PACSIN2: variants seen among roughly 807,000 people sequenced by gnomAD.
PACSIN2 encodes the protein protein kinase C and casein kinase substrate in neurons 2.
Under a neutral mutation model 63.8 loss-of-function variants are expected in PACSIN2, and 25 were observed. That is an observed-to-expected ratio of 0.39 (90% confidence interval 0.29 to 0.55). The LOEUF is 0.55. Among genes scored for constraint, PACSIN2 ranks in the 20% least tolerant of loss-of-function variants. PACSIN2 has a pLI of 0.62. For synonymous variants in PACSIN2, 255 were observed against 256.2 expected (o/e 1.00, Z 0.05); for missense variants, 518 against 646.9 (o/e 0.80, Z 2.16).
rs772085602 is a variant in PACSIN2 at position 42,871,473 on chromosome 22, C to A, written c.1349-4G>T. The A allele has an allele frequency of 1.2e-6, 2 of 1,607,782 alleles. No homozygotes were observed. Among genetic ancestry groups the A allele is most frequent in the Admixed American group, 3.3e-5 (2 of 60,008 alleles). On this transcript the variant is annotated splice_polypyrimidine_tract_variant and splice_region_variant and intron_variant, in intron 10 of 10. Coordinates refer to ENST00000263246, the MANE Select transcript of PACSIN2 (RefSeq NM_001184970.3). The surrounding 1 kb of genome is among the most constrained non-coding windows in gnomAD (Gnocchi z 5.4). ...TCCATCTTGGTCAGCTCATCCCCTG[C>A]AAGACAAAGAGGGAGCCGTCTCCAT...
intron 6 of PACSIN2, among the ~76,000 whole-genome samples, chr22:42,884,001 G>C (rs1248723627): frequency 6.8e-6 from 1 of 147,086 alleles, no homozygotes. Flanking sequence ...GCAAGACTCC[G>C]TCTCAAAAAA....
At chr22:42,994,113 T>C (rs531922063) in intron 1 of PACSIN2, among the ~76,000 whole-genome samples, 7 of 152,338 alleles carry the variant, frequency 4.6e-5, no homozygotes, top group Non-Finnish European at 7.3e-5. Context: ...CCTTCTGATA[T>C]TGCGCCAGAA....
intron 1 of PACSIN2, among the ~76,000 whole-genome samples, chr22:43,014,485 C>G (rs1924746507): frequency 6.6e-6 from 1 of 151,932 alleles, no homozygotes; most frequent in South Asian, 2.1e-4. Context: ...CACCCCAGGA[C>G]TAAGCCCTGC....
chr22:42,922,178 TG>T (rs1290704966), intron 1 of PACSIN2, among the ~76,000 whole-genome samples: 2 of 152,224 alleles, frequency 1.3e-5, no homozygotes, highest in Non-Finnish European at 2.9e-5. Flanking sequence ...TTAGATGGTG[TG>T]CAGAGTCTCA....
chr22:42,992,383 A>G (rs1374360711), intron 1 of PACSIN2, among the ~76,000 whole-genome samples: 1 of 152,196 alleles, frequency 6.6e-6, no homozygotes, highest in Non-Finnish European at 1.5e-5. Flanking sequence ...CTAGCCACCA[A>G]ACCTAGCCTA....
At chr22:42,876,859 G>A (rs1411849792) in intron 9 of PACSIN2, 29 bp downstream of exon 9, 1 of 1,613,788 alleles carries the variant, frequency 6.2e-7, no homozygotes, top group South Asian at 1.1e-5. Flanking sequence ...TGAGCGCGGT[G>A]GGAGCAGAGG....
intron 1 of PACSIN2, among the ~76,000 whole-genome samples, chr22:42,915,745 C>T (rs1931766164): frequency 6.6e-6 from 1 of 152,200 alleles, no homozygotes; most frequent in Admixed American, 6.5e-5. Flanking sequence ...TCAGACCCAA[C>T]AGAAATTACT....
intron 1 of PACSIN2, among the ~76,000 whole-genome samples, chr22:42,934,551 C>G (rs899098586): frequency 2.6e-5 from 4 of 152,244 alleles, no homozygotes; most frequent in African/African-American, 9.6e-5. Context: ...TGGGCTGGCC[C>G]TGATAGCCAC....
At chr22:42,942,724 T>A (rs548918364) in intron 1 of PACSIN2, among the ~76,000 whole-genome samples, 1 of 152,192 alleles carries the variant, frequency 6.6e-6, no homozygotes, top group South Asian at 2.1e-4. Flanking sequence ...ACCATAAATG[T>A]AGGGGTTTAG....
intron 2 of PACSIN2, among the ~76,000 whole-genome samples, chr22:42,908,922 A>G (rs1439978945): frequency 6.6e-6 from 1 of 152,084 alleles, no homozygotes; most frequent in Non-Finnish European, 1.5e-5. Context: ...CTCATACTCC[A>G]TAAGCATCTT....
chr22:42,963,448 C>T (rs1003227656), intron 1 of PACSIN2, among the ~76,000 whole-genome samples: 2 of 152,182 alleles, frequency 1.3e-5, no homozygotes, highest in African/African-American at 2.4e-5. Flanking sequence ...TTTCGCCCAG[C>T]GGTCAGTGCA....
intron 2 of PACSIN2, among the ~76,000 whole-genome samples, chr22:42,895,190 C>T (rs1930191793): frequency 6.6e-6 from 1 of 152,244 alleles, no homozygotes; most frequent in Non-Finnish European, 1.5e-5. Context: ...CAAACTAGAG[C>T]AGCTCCTGTG....
chr22:42,984,995 G>A (rs117306386), intron 1 of PACSIN2, among the ~76,000 whole-genome samples: 4 of 152,296 alleles, frequency 2.6e-5, no homozygotes, highest in Admixed American at 2.0e-4. Context: ...GCAACCAAAG[G>A]TCAGGAAAGC....
At chr22:42,877,375 G>A (rs1053839178) in intron 8 of PACSIN2, among the ~76,000 whole-genome samples, 2 of 152,036 alleles carry the variant, frequency 1.3e-5, no homozygotes, top group African/African-American at 4.8e-5. Flanking sequence ...GAGCTGGGGG[G>A]GTCAAAAAGC....
chr22:42,877,586 A>T (rs768360295), intron 8 of PACSIN2, among the ~76,000 whole-genome samples: 18 of 152,236 alleles, frequency 1.2e-4, no homozygotes, highest in South Asian at 2.1e-4. Context: ...GATAGAAAGA[A>T]GATTCCTTTG....
intron 2 of PACSIN2, among the ~76,000 whole-genome samples, chr22:42,910,329 T>G (rs1270821262): frequency 6.6e-6 from 1 of 152,184 alleles, no homozygotes; most frequent in African/African-American, 2.4e-5. Flanking sequence ...TTTCTATCTA[T>G]AGTTTTGGTT....
chr22:42,931,783 A>C (rs1470472350), intron 1 of PACSIN2, among the ~76,000 whole-genome samples: 2 of 152,196 alleles, frequency 1.3e-5, no homozygotes, highest in Non-Finnish European at 2.9e-5. Context: ...ATTATGGTTA[A>C]CAACCAGGGT....
chr22:42,921,638 C>G (rs1309463884), intron 1 of PACSIN2, among the ~76,000 whole-genome samples: 2 of 151,666 alleles, frequency 1.3e-5, no homozygotes, highest in Non-Finnish European at 1.5e-5. Flanking sequence ...TGGAGAGACT[C>G]AAGGGTTATG....
At chr22:42,881,820 C>A (rs1425161258) in intron 7 of PACSIN2, among the ~76,000 whole-genome samples, 1 of 152,044 alleles carries the variant, frequency 6.6e-6, no homozygotes, top group East Asian at 1.9e-4. Flanking sequence ...AGCACTGTGG[C>A]TGCTCCCTTC....
Sources: gnomAD v4.1 joint callset for allele counts (sites outside exome capture counted in the v4.1 genomes callset) on GRCh38, gnomAD v4.1.1 for gene constraint, Gnocchi (gnomAD v3.1) non-coding constraint, MANE v1.5 for transcripts, NCBI Gene and HGNC (gene_info 2026-07-23, HGNC 2026-07-21) for gene names.